TASP1: variants seen among roughly 807,000 people sequenced by gnomAD.
TASP1 encodes the protein taspase 1, also known as threonine aspartase 1.
Under a neutral mutation model 56.6 loss-of-function variants are expected in TASP1, and 16 were observed. The ratio of observed to expected loss-of-function variants is 0.28; its 90% CI spans 0.19 to 0.43. The LOEUF is 0.43. TASP1 is among the 20% of genes least tolerant of loss of function. TASP1 has a pLI of 1.00. For synonymous variants in TASP1, 179 were observed against 184.2 expected (o/e 0.97, Z 0.23); for missense variants, 393 against 511.6 (o/e 0.77, Z 2.24).
Position 13,623,569 on chromosome 20 carries a change from T to C in TASP1, c.214-55A>G, listed in dbSNP as rs573323075. 5.9e-5 allele frequency: 74 copies of C among 1,263,940 alleles called. No homozygotes were observed. In the African/African-American group the frequency reaches 7.6e-4, roughly 13 times the overall value. 78.3% of individuals were successfully genotyped at this position (1,263,940 alleles called of 1,614,324 possible). On this transcript the variant is annotated intron_variant, in intron 3 of 13. Coordinates refer to ENST00000337743, the MANE Select transcript of TASP1 (RefSeq NM_017714.3). ...TGCAAAATCACAACTTCTCAAACTTTCCAAAAGCTTAAAGAAGTATGGGAG... is the reference window on the plus strand; with the variant it reads ...TGCAAAATCACAACTTCTCAAACTTCCCAAAAGCTTAAAGAAGTATGGGAG...
chr20:13,414,753 TTTATC>T (rs899569529), intron 13 of TASP1, among the ~76,000 whole-genome samples: 11 of 152,104 alleles, frequency 7.2e-5, no homozygotes, highest in African/African-American at 2.7e-4. Context: ...AAAATAAATC[TTTATC>T]TTATGTTATC....
At chr20:13,540,230 A>G (rs531144382) in intron 8 of TASP1, among the ~76,000 whole-genome samples, 1 of 152,310 alleles carries the variant, frequency 6.6e-6, no homozygotes, top group South Asian at 2.1e-4. Context: ...TACAGAACAC[A>G]TCTCAAGGAC....
intron 10 of TASP1, among the ~76,000 whole-genome samples, chr20:13,511,604 T>C (rs544814682): frequency 1.3e-5 from 2 of 152,066 alleles, no homozygotes; most frequent in Non-Finnish European, 1.5e-5. Flanking sequence ...CGGGTTTTTT[T>C]ATTATTATTA....
At chr20:13,169,716 A>G in the TASP1 span, among the ~76,000 whole-genome samples, 1 of 152,216 alleles carries the variant, frequency 6.6e-6, no homozygotes, top group Non-Finnish European at 1.5e-5. Flanking sequence ...AATGTTAAAC[A>G]TACGTAAAAT....
At chr20:13,328,566 T>C in the TASP1 span, among the ~76,000 whole-genome samples, 4 of 152,248 alleles carry the variant, frequency 2.6e-5, no homozygotes, top group African/African-American at 7.2e-5. Context: ...TAAATGCCCA[T>C]CAATGATAGA....
At chr20:13,144,505 T>G in the TASP1 span, among the ~76,000 whole-genome samples, 1 of 152,206 alleles carries the variant, frequency 6.6e-6, no homozygotes. Flanking sequence ...TCTATAGATA[T>G]AGAGGCAGAT....
chr20:13,167,786 T>C, the TASP1 span: 2 of 152,228 alleles, frequency 1.3e-5, no homozygotes, highest in Non-Finnish European at 2.9e-5. Flanking sequence ...ACCAGACCTT[T>C]ACTGAAACAT....
the TASP1 span, among the ~76,000 whole-genome samples, chr20:13,119,943 C>T: frequency 2.0e-5 from 3 of 152,220 alleles, no homozygotes; most frequent in Admixed American, 6.5e-5. Context: ...GGCTTCCTTT[C>T]GGCTTAATGA....
At chr20:13,214,312 C>A in the TASP1 span, among the ~76,000 whole-genome samples, 1 of 152,138 alleles carries the variant, frequency 6.6e-6, no homozygotes, top group Non-Finnish European at 1.5e-5. Flanking sequence ...TCTATTTAGG[C>A]TCAGCTTACC....
At chr20:13,256,850 G>C in the TASP1 span, among the ~76,000 whole-genome samples, 4 of 152,302 alleles carry the variant, frequency 2.6e-5, no homozygotes, top group East Asian at 7.7e-4. Flanking sequence ...AAGCCAATCG[G>C]TAGAAGTGAT....
At chr20:13,539,119 G>A (rs1601170681) in intron 8 of TASP1, among the ~76,000 whole-genome samples, 1 of 152,074 alleles carries the variant, frequency 6.6e-6, no homozygotes, top group East Asian at 1.9e-4. Context: ...GCAAAAATCT[G>A]AACATAGGAA....
the TASP1 span, among the ~76,000 whole-genome samples, chr20:13,173,388 G>A: frequency 6.6e-6 from 1 of 152,132 alleles, no homozygotes; most frequent in African/African-American, 2.4e-5. Context: ...CAGCCAGTTG[G>A]TCAGCAGGTT....
chr20:13,128,875 T>C, the TASP1 span, among the ~76,000 whole-genome samples: 1 of 146,844 alleles, frequency 6.8e-6, no homozygotes, highest in African/African-American at 2.5e-5. Context: ...CAGCTAATTT[T>C]TTTTTTTTTT....
chr20:13,310,562 A>G, the TASP1 span, among the ~76,000 whole-genome samples: 1 of 152,244 alleles, frequency 6.6e-6, no homozygotes, highest in Non-Finnish European at 1.5e-5. Flanking sequence ...AAGCAAAAAT[A>G]GGCAAACGGG....
chr20:13,144,034 C>G, the TASP1 span, among the ~76,000 whole-genome samples: 3 of 152,156 alleles, frequency 2.0e-5, no homozygotes, highest in Non-Finnish European at 2.9e-5. Context: ...GCTTCCAGGG[C>G]TCTCTAATAC....
chr20:13,281,198 GTC>G, the TASP1 span, among the ~76,000 whole-genome samples: 1 of 152,196 alleles, frequency 6.6e-6, no homozygotes, highest in Non-Finnish European at 1.5e-5. Flanking sequence ...GCAAGGCATA[GTC>G]TGTCCCCAGA....
chr20:13,273,808 T>G, the TASP1 span, among the ~76,000 whole-genome samples: 192 of 152,260 alleles, frequency 1.3e-3, no homozygotes, highest in African/African-American at 4.5e-3. Flanking sequence ...CCCAGTCAAG[T>G]TATTCTATTT....
the TASP1 span, among the ~76,000 whole-genome samples, chr20:13,356,696 A>G: frequency 1.3e-5 from 2 of 152,194 alleles, no homozygotes; most frequent in Non-Finnish European, 2.9e-5. Context: ...CTATTAAATC[A>G]TGAACTTTGC....
At chr20:13,494,248 T>C (rs965606485) in intron 10 of TASP1, among the ~76,000 whole-genome samples, 3 of 152,220 alleles carry the variant, frequency 2.0e-5, no homozygotes, top group African/African-American at 4.8e-5. Flanking sequence ...ATGACATCTA[T>C]GCTTCAGCTT....
Sources: allele counts gnomAD v4.1 joint callset (sites outside exome capture counted in the v4.1 genomes callset), GRCh38; gene constraint gnomAD v4.1.1; transcripts MANE v1.5; gene names NCBI Gene and HGNC (gene_info 2026-07-23, HGNC 2026-07-21).